NRXN3: variants seen among roughly 807,000 people sequenced by gnomAD.
NRXN3 encodes the protein neurexin 3, also known as neurexin III.
NRXN3 carries 32 observed loss-of-function variants against 137.6 expected under a neutral mutation model. The ratio of observed to expected loss-of-function variants is 0.23; its 90% confidence interval spans 0.18 to 0.31. NRXN3 has a LOEUF of 0.31. NRXN3 is among the 10% of genes least tolerant of loss of function. The pLI, the probability that NRXN3 is intolerant of heterozygous loss-of-function variation, is 1.00. For synonymous variants in NRXN3, 798 were observed against 784.5 expected (o/e 1.02, Z -0.29); for missense variants, 1,574 against 2,062.5 (o/e 0.76, Z 4.59).
At chr14:79,648,712 T>C (rs1389386215) in intron 16 of NRXN3, among the ~76,000 whole-genome samples, 4 of 151,664 alleles carry the variant, frequency 2.6e-5, no homozygotes, top group African/African-American at 9.7e-5. Flanking sequence ...CTATCTGCCC[T>C]TCACAGAGTG....
intron 10 of NRXN3, among the ~76,000 whole-genome samples, chr14:78,902,240 C>T (rs1243460985): frequency 6.6e-6 from 1 of 152,052 alleles, no homozygotes; most frequent in East Asian, 1.9e-4. Context: ...CATATAGACA[C>T]GCCTCACTTT....
chr14:79,667,841 C>T (rs1383420234), intron 17 of NRXN3, among the ~76,000 whole-genome samples: 3 of 151,960 alleles, frequency 2.0e-5, no homozygotes, highest in African/African-American at 7.3e-5. Context: ...TTAATTTTAG[C>T]CACAGCTCTA....
intron 3 of NRXN3, among the ~76,000 whole-genome samples, chr14:78,296,030 T>G (rs1350565533): frequency 6.6e-6 from 1 of 151,794 alleles, no homozygotes; most frequent in African/African-American, 2.4e-5. Context: ...CCTTATTCTT[T>G]TCTTTTCTTT....
chr14:79,517,801 C>T (rs534360648), intron 16 of NRXN3, among the ~76,000 whole-genome samples: 1 of 149,264 alleles, frequency 6.7e-6, no homozygotes, highest in African/African-American at 2.4e-5. Flanking sequence ...TGTCAGTGCA[C>T]ATTTTTCAAT....
chr14:78,739,048 T>C (rs949804408), intron 8 of NRXN3, among the ~76,000 whole-genome samples: 1 of 152,192 alleles, frequency 6.6e-6, no homozygotes, highest in Non-Finnish European at 1.5e-5. Context: ...ACGCCAAGCC[T>C]CCACTCTCTT....
intron 4 of NRXN3, among the ~76,000 whole-genome samples, chr14:78,408,453 C>T (rs948860241): frequency 6.6e-6 from 1 of 152,186 alleles, no homozygotes; most frequent in African/African-American, 2.4e-5. Flanking sequence ...AGAAATTTAT[C>T]ACATGAAAAT....
intron 6 of NRXN3, among the ~76,000 whole-genome samples, chr14:78,663,859 A>T (rs2097859782): frequency 6.6e-6 from 1 of 152,222 alleles, no homozygotes; most frequent in African/African-American, 2.4e-5. Context: ...TTAAAAAAAC[A>T]CTAGTCCTTG....
intron 1 of NRXN3, among the ~76,000 whole-genome samples, chr14:78,211,869 T>C (rs891373578): frequency 3.3e-5 from 5 of 152,206 alleles, no homozygotes; most frequent in African/African-American, 1.2e-4. Flanking sequence ...GTTGTCTTCA[T>C]GGTATAAGTG....
At chr14:79,726,845 T>G (rs72696796) in intron 19 of NRXN3, among the ~76,000 whole-genome samples, 24,559 of 152,068 alleles carry the variant, frequency 0.16, 2,143 homozygotes, top group Middle Eastern at 0.23. Context: ...CAGTTTTATT[T>G]TTGTGACTCT....
intron 15 of NRXN3, among the ~76,000 whole-genome samples, chr14:79,303,218 T>C (rs1322023818): frequency 6.6e-6 from 1 of 152,042 alleles, no homozygotes. Flanking sequence ...AATTTTTCAA[T>C]CAGCTCTTGT....
At chr14:79,643,251 T>C (rs2098440457) in intron 16 of NRXN3, among the ~76,000 whole-genome samples, 2 of 135,922 alleles carry the variant, frequency 1.5e-5, no homozygotes, top group Admixed American at 1.5e-4. Context: ...CAAATTATGC[T>C]ATCTCACCAC....
chr14:78,432,796 A>G (rs1483798566), intron 4 of NRXN3, among the ~76,000 whole-genome samples: 2 of 152,184 alleles, frequency 1.3e-5, no homozygotes, highest in Admixed American at 6.5e-5. Context: ...TGTCTGACCA[A>G]TGGGGAAACT....
At chr14:79,836,602 A>G (rs2099344456) in intron 20 of NRXN3, among the ~76,000 whole-genome samples, 1 of 152,182 alleles carries the variant, frequency 6.6e-6, no homozygotes, top group Non-Finnish European at 1.5e-5. Flanking sequence ...TTACAGCTTC[A>G]GAGTACAGAT....
intron 19 of NRXN3, among the ~76,000 whole-genome samples, chr14:79,728,876 T>C (rs1194999800): frequency 6.6e-6 from 1 of 152,174 alleles, no homozygotes; most frequent in East Asian, 1.9e-4. Context: ...AGGGAGGTGA[T>C]CTTTGTAACT....
At chr14:78,600,114 A>G (rs2097190767) in intron 4 of NRXN3, among the ~76,000 whole-genome samples, 1 of 152,132 alleles carries the variant, frequency 6.6e-6, no homozygotes, top group Non-Finnish European at 1.5e-5. Context: ...GGACACATTC[A>G]TTTATTACCC....
chr14:79,689,024 T>C (rs370952309), intron 17 of NRXN3, among the ~76,000 whole-genome samples: 242 of 152,224 alleles, frequency 1.6e-3, no homozygotes, highest in Non-Finnish European at 2.8e-3. Context: ...ATTTATAGAT[T>C]TCTCAGTGTG....
At chr14:78,926,208 A>T (rs2099289903) in intron 10 of NRXN3, among the ~76,000 whole-genome samples, 1 of 152,084 alleles carries the variant, frequency 6.6e-6, no homozygotes, top group Non-Finnish European at 1.5e-5. Context: ...CAAACCCTAT[A>T]TACACTGTGT....
chr14:78,721,577 A>G (rs1278346592), intron 8 of NRXN3, among the ~76,000 whole-genome samples: 2 of 152,154 alleles, frequency 1.3e-5, no homozygotes, highest in Non-Finnish European at 1.5e-5. Context: ...CGGTTTAGTT[A>G]TATCAGCACT....
intron 6 of NRXN3, among the ~76,000 whole-genome samples, chr14:78,672,995 A>C (rs993527095): frequency 6.6e-6 from 1 of 152,190 alleles, no homozygotes; most frequent in Non-Finnish European, 1.5e-5. Flanking sequence ...CTCTGATAAC[A>C]CTGCTAGTTG....
Sources: allele counts gnomAD v4.1 joint callset (sites outside exome capture counted in the v4.1 genomes callset), GRCh38; gene constraint gnomAD v4.1.1; transcripts MANE v1.5; gene names NCBI Gene and HGNC (gene_info 2026-07-23, HGNC 2026-07-21).